The following C4orf51 variants were observed in gnomAD, a reference collection of about 807,000 sequenced individuals.
C4orf51 encodes chromosome 4 open reading frame 51, also known as uncharacterized protein C4orf51.
C4orf51 carries 25 observed loss-of-function variants against 25.2 expected under a neutral mutation model. The ratio of observed to expected loss-of-function variants is 0.99; its 90% CI spans 0.72 to 1.39. The LOEUF is 1.39. Among genes scored for constraint, C4orf51 ranks in the 40% most tolerant of loss-of-function variants. The pLI is 0.00. For synonymous variants in C4orf51, 100 were observed against 84.5 expected, an observed-to-expected ratio of 1.18 and a Z score of -1.01; for missense variants, 252 against 239.6, an observed-to-expected ratio of 1.05 and a Z score of -0.34.
chr4:145,775,726 G>A, downstream of C4orf51: 2 of 1,592,970 alleles, frequency 1.3e-6, no homozygotes. Context: ...CAGCAGACAG[G>A]TAGGAAGTGT....
At position 145,724,402 on chromosome 4, in the gene C4orf51, T is replaced by TA. The variant is rs951790650; in HGVS notation, c.308-2498dup. ...TGACTCTGGCTTAAGATACCTTCTTTAAAAAAAAAAAGTTTATCAGCATAA... is the reference window on the plus strand; with the variant it reads ...TGACTCTGGCTTAAGATACCTTCTTTAAAAAAAAAAAAGTTTATCAGCATAA... On this transcript the variant is annotated intron_variant, in intron 2 of 5. Coordinates refer to ENST00000438731, the MANE Select transcript of C4orf51 (RefSeq NM_001080531.3). 5.6e-4 allele frequency among the ~76,000 whole-genome samples: 83 copies of TA among 147,282 alleles called. 1 individual carries two copies. The highest frequency in any genetic ancestry group is 2.7e-4 in the Non-Finnish European group (18 of 66,446).
At chr4:145,689,859 A>T (rs1729420653) in intron 1 of C4orf51, among the ~76,000 whole-genome samples, 1 of 152,194 alleles carries the variant, frequency 6.6e-6, no homozygotes, top group Admixed American at 6.5e-5. Flanking sequence ...CATATAAAAA[A>T]AATTAACTCA....
downstream of C4orf51, among the ~76,000 whole-genome samples, chr4:145,773,958 A>G (rs1230138282): frequency 6.6e-6 from 1 of 152,136 alleles, no homozygotes; most frequent in Non-Finnish European, 1.5e-5. Flanking sequence ...TACAGAGAGC[A>G]AGCTCTGGAA....
chr4:145,694,472 G>C, intron 1 of C4orf51, among the ~76,000 whole-genome samples: 1 of 96,226 alleles, frequency 1.0e-5, no homozygotes, highest in African/African-American at 4.0e-5. Context: ...CCTCTGCCCG[G>C]CCAGCCGCCC....
chr4:145,742,503 T>C (rs1733150484), intron 1 of C4orf51, among the ~76,000 whole-genome samples: 1 of 151,950 alleles, frequency 6.6e-6, no homozygotes, highest in South Asian at 2.1e-4. Context: ...CATTTTCAGT[T>C]TTCTACACGA....
Position 145,740,240 on chromosome 4 carries a change from C to CAAAAAAAAAAAAAAAAAAAAAA in C4orf51, n.167+7631_167+7652dup, listed in dbSNP as rs60310006. Among the ~76,000 whole-genome samples, 19 of 104,802 alleles carry CAAAAAAAAAAAAAAAAAAAAAA rather than the reference C, an allele frequency of 1.8e-4. 2 individuals carry two copies. Among genetic ancestry groups the CAAAAAAAAAAAAAAAAAAAAAA allele is most frequent in the Middle Eastern group, 5.7e-3 (1 of 174 alleles). 68.8% of individuals were successfully genotyped at this position (104,802 alleles called of 152,430 possible). On this transcript the variant is annotated intron_variant and non_coding_transcript_variant, in intron 1 of 1. Coordinates refer to the C4orf51 transcript ENST00000508981. ...AATTATAGCTATCTCTCCCTTTCTGCAAAAAAAAAAAAAAAAAAAAAAAAA... is the reference window on the plus strand; with the variant it reads ...AATTATAGCTATCTCTCCCTTTCTGCAAAAAAAAAAAAAAAAAAAAAAAAAAAAAAAAAAAAAAAAAAAAAAA...
At chr4:145,713,121 T>C (rs1257835130) in intron 2 of C4orf51, among the ~76,000 whole-genome samples, 1 of 152,228 alleles carries the variant, frequency 6.6e-6, no homozygotes, top group East Asian at 1.9e-4. Flanking sequence ...ACCTGGTCAC[T>C]CAAGAACTCT....
chr4:145,692,953 G>GTTTTTTTTTTTTTTTTTTTTTTTTTTT (rs202227019), intron 1 of C4orf51, among the ~76,000 whole-genome samples: 4 of 100,970 alleles, frequency 4.0e-5, no homozygotes, highest in South Asian at 3.5e-4. Flanking sequence ...TAAGTTTTTA[G>GTTTTTTTTTTTTTTTTTTTTTTTTTTT]TTTTTTTTTT....
intron 2 of C4orf51, among the ~76,000 whole-genome samples, chr4:145,707,724 A>T (rs1730898602): frequency 1.3e-5 from 2 of 152,108 alleles, no homozygotes; most frequent in Admixed American, 6.5e-5. Flanking sequence ...TTTTGGAGGG[A>T]GGGGGTGCCA....
intron 1 of C4orf51, among the ~76,000 whole-genome samples, chr4:145,740,937 AT>A (rs35055864): frequency 1.1e-4 from 16 of 152,130 alleles, no homozygotes; most frequent in African/African-American, 3.1e-4. Flanking sequence ...GATGAGGGTG[AT>A]TTTTTTTCCC....
intron 1 of C4orf51, 138 bp downstream of exon 1, chr4:145,680,574 GGAA>G (rs1728774455): frequency 1.6e-6 from 1 of 642,972 alleles, no homozygotes; most frequent in Non-Finnish European, 2.7e-6. Flanking sequence ...AATGTCAGCA[GGAA>G]GAAGAGCTAA....
At chr4:145,728,642 T>C (rs1429449200) in intron 3 of C4orf51, among the ~76,000 whole-genome samples, 1 of 152,230 alleles carries the variant, frequency 6.6e-6, no homozygotes, top group Admixed American at 6.5e-5. Context: ...AGACACTTAA[T>C]ATATGAACTC....
At chr4:145,681,085 C>T (rs1220093352) in intron 1 of C4orf51, among the ~76,000 whole-genome samples, 1 of 152,142 alleles carries the variant, frequency 6.6e-6, no homozygotes, top group African/African-American at 2.4e-5. Flanking sequence ...GAAAAGCACA[C>T]TGCATGGAGA....
chr4:145,749,253 C>A (rs1191834244), intron 1 of C4orf51, among the ~76,000 whole-genome samples: 1 of 151,728 alleles, frequency 6.6e-6, no homozygotes, highest in African/African-American at 2.4e-5. Flanking sequence ...TATCTTTTTC[C>A]ACCCTTTATT....
At chr4:145,732,890 A>G (rs1268718081), downstream of C4orf51, 1 of 181,012 alleles carries the variant, frequency 5.5e-6, no homozygotes, top group African/African-American at 2.4e-5. Context: ...TGTCCCTTGT[A>G]TCTGGGAGCC....
At chr4:145,682,664 C>T (rs1174021863) in intron 1 of C4orf51, among the ~76,000 whole-genome samples, 3 of 152,132 alleles carry the variant, frequency 2.0e-5, no homozygotes, top group Non-Finnish European at 4.4e-5. Context: ...AAGTCTTGAT[C>T]ATTTGGTTCT....
chr4:145,753,336 A>G (rs1228618192), intron 1 of C4orf51, among the ~76,000 whole-genome samples: 2 of 152,056 alleles, frequency 1.3e-5, no homozygotes, highest in Non-Finnish European at 2.9e-5. Flanking sequence ...TCCCACACAT[A>G]CATATTTATT....
chr4:145,707,131 G>T (rs1730859995), intron 2 of C4orf51, among the ~76,000 whole-genome samples: 1 of 151,824 alleles, frequency 6.6e-6, no homozygotes, highest in African/African-American at 2.4e-5. Flanking sequence ...AGTAGAGACG[G>T]AGTTTCACTG....
intron 1 of C4orf51, among the ~76,000 whole-genome samples, chr4:145,744,809 C>T (rs768197369): frequency 1.3e-5 from 2 of 151,162 alleles, no homozygotes; most frequent in Admixed American, 6.6e-5. Flanking sequence ...GCCAAGATAG[C>T]GCCACTGTAC....
Sources: gnomAD v4.1 joint callset for allele counts (sites outside exome capture counted in the v4.1 genomes callset) on GRCh38, gnomAD v4.1.1 for gene constraint, MANE v1.5 for transcripts, NCBI Gene and HGNC (gene_info 2026-07-23, HGNC 2026-07-21) for gene names.